Variants in NREP observed in about 807,000 individuals in gnomAD.
NREP encodes neuronal regeneration-related protein.
A neutral mutation model predicts 8.6 loss-of-function variants in NREP; 5 were observed. The ratio of observed to expected loss-of-function variants is 0.58; its 90% CI spans 0.30 to 1.22. NREP has a LOEUF of 1.22. Among genes scored for constraint, NREP ranks in the 50% most tolerant of loss-of-function variants. The probability of loss-of-function intolerance (pLI) is 0.07; values close to 1 mark genes in which losing one functional copy is unlikely to be tolerated. For synonymous variants in NREP, 27 were observed against 28.0 expected (o/e 0.96, Z 0.11); for missense variants, 86 against 82.5 (o/e 1.04, Z -0.17).
At chr5:111,927,800 C>T (rs901893352) in intron 2 of NREP, among the ~76,000 whole-genome samples, 3 of 152,098 alleles carry the variant, frequency 2.0e-5, no homozygotes, top group African/African-American at 4.8e-5. Context: ...TTTAAGCCCT[C>T]AAAAACCTCT....
At chr5:111,788,416 G>C (rs1751664651) in intron 2 of NREP, among the ~76,000 whole-genome samples, 1 of 152,170 alleles carries the variant, frequency 6.6e-6, no homozygotes, top group African/African-American at 2.4e-5. Context: ...AAATTAGGGA[G>C]AGAAACTGAG....
At chr5:111,779,962 C>T (rs1751455047) in intron 2 of NREP, among the ~76,000 whole-genome samples, 1 of 152,302 alleles carries the variant, frequency 6.6e-6, no homozygotes, top group East Asian at 1.9e-4. Flanking sequence ...GAGGCTGAGG[C>T]TTTCCCTGAA....
At chr5:111,830,614 C>G (rs767592443) in intron 2 of NREP, among the ~76,000 whole-genome samples, 1 of 152,200 alleles carries the variant, frequency 6.6e-6, no homozygotes, top group Non-Finnish European at 1.5e-5. Flanking sequence ...CATTCTCCCT[C>G]CAGCCTAAGC....
chr5:111,804,008 C>G (rs1234742862), intron 2 of NREP, among the ~76,000 whole-genome samples: 4 of 151,870 alleles, frequency 2.6e-5, no homozygotes, highest in Non-Finnish European at 4.4e-5. Flanking sequence ...CCCTTTTTTC[C>G]CTGGATCTAA....
At chr5:111,886,979 A>G (rs191985520) in intron 2 of NREP, among the ~76,000 whole-genome samples, 1 of 150,714 alleles carries the variant, frequency 6.6e-6, no homozygotes, top group Admixed American at 6.6e-5. Flanking sequence ...GATTAATAAT[A>G]AAATAAAAAA....
intron 2 of NREP, among the ~76,000 whole-genome samples, chr5:111,933,121 C>T (rs1755589524): frequency 6.6e-6 from 1 of 152,084 alleles, no homozygotes; most frequent in Non-Finnish European, 1.5e-5. Flanking sequence ...CGTTAAACCA[C>T]CCTTTAAGAC....
intron 2 of NREP, among the ~76,000 whole-genome samples, chr5:111,741,826 C>CACACAGACACACACATACACACAG (rs58727765): frequency 7.1e-6 from 1 of 141,062 alleles, no homozygotes; most frequent in Admixed American, 7.0e-5. Flanking sequence ...CACACACATA[C>CACACAGACACACACATACACACAG]ACACACACAC....
chr5:111,953,398 T>G (rs551172150), intron 2 of NREP, among the ~76,000 whole-genome samples: 162 of 152,170 alleles, frequency 1.1e-3, no homozygotes, highest in African/African-American at 3.8e-3. Flanking sequence ...AGGCTATAAC[T>G]TTTTTTCCCA....
intron 2 of NREP, among the ~76,000 whole-genome samples, chr5:111,948,147 A>C (rs1254007721): frequency 6.6e-6 from 1 of 152,130 alleles, no homozygotes; most frequent in East Asian, 1.9e-4. Context: ...TGATAAATCC[A>C]GACATATTTA....
intron 2 of NREP, among the ~76,000 whole-genome samples, chr5:111,774,574 G>C (rs531930945): frequency 6.6e-6 from 1 of 152,182 alleles, no homozygotes; most frequent in Non-Finnish European, 1.5e-5. Context: ...GTGTAAACGA[G>C]TCAGTGTCCT....
Position 111,860,007 on chromosome 5 carries a change from C to T in NREP, c.135+115267G>A, listed in dbSNP as rs538397589. ...GGGCAGGCAAGTACTCTGGAGCCTTCCTTATGATTCTCTTATTACATGCAA... is the reference window on the plus strand; with the variant it reads ...GGGCAGGCAAGTACTCTGGAGCCTTTCTTATGATTCTCTTATTACATGCAA... On this transcript the variant is annotated intron_variant, in intron 2 of 3. Coordinates refer to the NREP transcript ENST00000395634. Among the ~76,000 whole-genome samples the T allele has an allele frequency of 3.3e-5, 5 of 152,246 alleles. No homozygotes were observed. The South Asian group carries it at 1.0e-3, about 32-fold the overall frequency.
chr5:111,805,310 A>C, intron 2 of NREP, among the ~76,000 whole-genome samples: 1 of 152,334 alleles, frequency 6.6e-6, no homozygotes, highest in East Asian at 1.9e-4. Flanking sequence ...GTAATTCCAC[A>C]TCTAGAATTT....
At chr5:111,847,240 G>A (rs988389359) in intron 2 of NREP, among the ~76,000 whole-genome samples, 21 of 151,972 alleles carry the variant, frequency 1.4e-4, no homozygotes, top group African/African-American at 4.6e-4. Context: ...TCAAGCTGCC[G>A]AACGGTTGGG....
intron 2 of NREP, among the ~76,000 whole-genome samples, chr5:111,742,325 T>C (rs1245814169): frequency 2.6e-5 from 4 of 152,142 alleles, no homozygotes; most frequent in African/African-American, 9.7e-5. Flanking sequence ...TGAAGCCATC[T>C]TGAGAGGCCA....
intron 2 of NREP, among the ~76,000 whole-genome samples, chr5:111,886,842 G>A (rs1430050446): frequency 2.0e-5 from 3 of 150,278 alleles, no homozygotes; most frequent in Non-Finnish European, 4.4e-5. Context: ...GGACGGGGGA[G>A]GGATAGCATT....
At chr5:111,965,794 G>A (rs1756627713) in intron 2 of NREP, among the ~76,000 whole-genome samples, 2 of 152,086 alleles carry the variant, frequency 1.3e-5, no homozygotes, top group African/African-American at 2.4e-5. Flanking sequence ...CCTCATAAAT[G>A]TGTATGTATT....
At chr5:111,904,870 A>T (rs1013291823) in intron 2 of NREP, among the ~76,000 whole-genome samples, 3 of 152,124 alleles carry the variant, frequency 2.0e-5, no homozygotes, top group Non-Finnish European at 4.4e-5. Flanking sequence ...TTCACGAGAC[A>T]GTATCTGTCT....
intron 2 of NREP, among the ~76,000 whole-genome samples, chr5:111,853,832 C>T (rs1753364185): frequency 6.6e-6 from 1 of 152,068 alleles, no homozygotes; most frequent in African/African-American, 2.4e-5. Context: ...ATAAGTGTGT[C>T]CCTCTCTGAG....
intron 2 of NREP, among the ~76,000 whole-genome samples, chr5:111,888,508 G>A (rs1581194146): frequency 6.6e-6 from 1 of 152,176 alleles, no homozygotes; most frequent in South Asian, 2.1e-4. Flanking sequence ...AACATCATGG[G>A]GGAAACTGCC....
Sources: allele counts gnomAD v4.1 joint callset (sites outside exome capture counted in the v4.1 genomes callset), GRCh38; gene constraint gnomAD v4.1.1; transcripts MANE v1.5; gene names NCBI Gene and HGNC (gene_info 2026-07-23, HGNC 2026-07-21).